The following GARNL3 variants were observed in gnomAD, a reference collection of about 807,000 sequenced individuals.
GARNL3 encodes GTPase-activating Rap/Ran-GAP domain-like protein 3.
GARNL3 carries 63 observed loss-of-function variants against 125.0 expected under a neutral mutation model. The ratio of observed to expected loss-of-function variants is 0.50; its 90% CI spans 0.41 to 0.62. GARNL3 has a LOEUF of 0.62. GARNL3 is among the 20% of genes least tolerant of loss of function. GARNL3 has a pLI of 0.00. For missense variants in GARNL3, 994 were observed against 1,244.0 expected (o/e 0.80, Z 3.02); for synonymous variants, 439 against 457.5 (o/e 0.96, Z 0.52).
At chr9:127,275,542 G>T (rs12003427) in intron 1 of GARNL3, among the ~76,000 whole-genome samples, 1 of 152,116 alleles carries the variant, frequency 6.6e-6, no homozygotes, top group African/African-American at 2.4e-5. Flanking sequence ...GTTTTCGTAG[G>T]GCACATATCC....
At chr9:127,323,739 C>T (rs2131527500) in intron 6 of GARNL3, among the ~76,000 whole-genome samples, 1 of 115,014 alleles carries the variant, frequency 8.7e-6, no homozygotes, top group Middle Eastern at 3.9e-3. Context: ...GATTCAGGAA[C>T]AATTAAACTG....
chr9:127,331,256 A>T (rs1415209051), intron 7 of GARNL3, among the ~76,000 whole-genome samples: 1 of 152,200 alleles, frequency 6.6e-6, no homozygotes, highest in African/African-American at 2.4e-5. Flanking sequence ...TGGGAGGCTG[A>T]GGCAGGTGGA....
intron 24 of GARNL3, 26 bp from the exon 25 acceptor site, chr9:127,387,167 C>G (rs113254567): frequency 6.2e-7 from 1 of 1,603,392 alleles, no homozygotes; most frequent in African/African-American, 1.3e-5. Flanking sequence ...CCAGGCAGCC[C>G]GGTAATGCTC....
chr9:127,305,787 ACAGGATCTAACTAT>A (rs1186155992), intron 2 of GARNL3, among the ~76,000 whole-genome samples: 2 of 152,086 alleles, frequency 1.3e-5, no homozygotes, highest in Non-Finnish European at 2.9e-5. Flanking sequence ...TCTTGTAAAG[ACAGGATCTAACTAT>A]GTTACCCAGG....
In GARNL3 at chr9:127,385,060, C is replaced by T. The variant is rs371843832; in HGVS notation, c.2303C>T (p.Thr768Ile). The T allele has an allele frequency of 1.9e-6, 3 of 1,612,042 alleles. No homozygotes were observed. Among genetic ancestry groups the T allele is most frequent in the Non-Finnish European group, 2.5e-6 (3 of 1,178,818 alleles). Residue 768 changes from threonine (T) to isoleucine (I), a missense_variant, in exon 24 of 28, where the codon ACC (threonine) becomes ATC (isoleucine). By Grantham distance (89) the Thr-to-Ile change is moderately conservative (BLOSUM62 -1). Transcript: ENST00000373387. This position sits in a 1 kb window ranked among gnomAD's most constrained non-coding sequence, Gnocchi z 4.1. ...CAFPYLLAFTTDSMEIRLVVN... is the reference protein window; with the variant it reads ...CAFPYLLAFTIDSMEIRLVVN... ...TTCCCGTATCTCCTGGCCTTCACCA[C>T]CGACTCCATGGAGATCCGCCTGGTG...
chr9:127,367,348 A>T (rs946086504), intron 22 of GARNL3: 2 of 152,236 alleles, frequency 1.3e-5, no homozygotes, highest in Non-Finnish European at 2.9e-5. Flanking sequence ...ACTGATTTGT[A>T]TCATTGAAGT....
intron 2 of GARNL3, among the ~76,000 whole-genome samples, chr9:127,307,789 A>G (rs2064996787): frequency 6.6e-6 from 1 of 152,202 alleles, no homozygotes; most frequent in South Asian, 2.1e-4. Flanking sequence ...CAAGTAAATA[A>G]AAGTTTTAGA....
At chr9:127,229,447 A>G (rs2062965866) in intron 1 of GARNL3, among the ~76,000 whole-genome samples, 1 of 152,156 alleles carries the variant, frequency 6.6e-6, no homozygotes, top group Non-Finnish European at 1.5e-5. Context: ...GGCCTCCCTT[A>G]TCCAAAGTCC....
chr9:127,309,167 C>A (rs2065031009), intron 2 of GARNL3, among the ~76,000 whole-genome samples: 1 of 151,994 alleles, frequency 6.6e-6, no homozygotes, highest in Non-Finnish European at 1.5e-5. Context: ...AAAAAGGACA[C>A]AGAAGATGAT....
intron 17 of GARNL3, among the ~76,000 whole-genome samples, chr9:127,353,059 G>T (rs1009412380): frequency 6.6e-6 from 1 of 151,998 alleles, no homozygotes; most frequent in Non-Finnish European, 1.5e-5. Context: ...CTGTGTCCTC[G>T]GAGCCCTCAG....
chr9:127,366,696 G>C (rs1044413155), intron 22 of GARNL3: 2 of 152,228 alleles, frequency 1.3e-5, no homozygotes, highest in African/African-American at 4.8e-5. Flanking sequence ...CAGGTTTTTA[G>C]AGTGGGAGAA....
At chr9:127,314,862 C>T (rs1452769646) in intron 4 of GARNL3, among the ~76,000 whole-genome samples, 1 of 152,194 alleles carries the variant, frequency 6.6e-6, no homozygotes, top group Non-Finnish European at 1.5e-5. Flanking sequence ...TAGGGAAAGC[C>T]TCCTGAGGCG....
At position 127,338,864 on chromosome 9, in the gene GARNL3, C is replaced by A. The variant is rs117409455; in HGVS notation, c.1028+703C>A. Among the ~76,000 whole-genome samples the A allele has an allele frequency of 5.1e-4, 78 of 152,266 alleles. 1 individual carries two copies. In the East Asian group the frequency reaches 0.013, roughly 26 times the overall value. ...AGGTAGTGGCCTCGGCCCTGGCAGA[C>A]CAGAGAAGGCACTCCTGGCATGGAG... On this transcript the variant is annotated intron_variant, in intron 12 of 27. Coordinates refer to ENST00000373387, the MANE Select transcript of GARNL3 (RefSeq NM_032293.5).
intron 17 of GARNL3, among the ~76,000 whole-genome samples, chr9:127,351,414 A>G (rs1185342149): frequency 6.6e-6 from 1 of 152,058 alleles, no homozygotes; most frequent in South Asian, 2.1e-4. Context: ...GCTTTGGTTT[A>G]TGATTTAAAC....
At chr9:127,277,908 AT>A (rs2063998792) in intron 1 of GARNL3, among the ~76,000 whole-genome samples, 1 of 152,142 alleles carries the variant, frequency 6.6e-6, no homozygotes, top group East Asian at 1.9e-4. Context: ...ATTTGTGGGC[AT>A]TTTTTACCTG....
chr9:127,249,732 G>T (rs1428146368), intron 2 of GARNL3, among the ~76,000 whole-genome samples: 1 of 152,154 alleles, frequency 6.6e-6, no homozygotes, highest in Non-Finnish European at 1.5e-5. Flanking sequence ...AGAGGCCCAG[G>T]TGTGGTGGCT....
At chr9:127,285,202 T>C (rs1256772948) in intron 1 of GARNL3, among the ~76,000 whole-genome samples, 1 of 152,150 alleles carries the variant, frequency 6.6e-6, no homozygotes, top group Non-Finnish European at 1.5e-5. Flanking sequence ...GAGGCCGAGG[T>C]GGGCGGATCA....
At chr9:127,288,669 CT>C (rs1359806755) in intron 1 of GARNL3, among the ~76,000 whole-genome samples, 1 of 152,130 alleles carries the variant, frequency 6.6e-6, no homozygotes, top group African/African-American at 2.4e-5. Flanking sequence ...TTTGTTCTTC[CT>C]TTTTTTCTTG....
intron 5 of GARNL3, 74 bp downstream of exon 5, chr9:127,318,201 C>A: frequency 1.1e-6 from 1 of 886,542 alleles, no homozygotes; most frequent in Non-Finnish European, 1.9e-6. Flanking sequence ...TGTGATCATT[C>A]TGATGTTACC....
Sources: allele counts gnomAD v4.1 joint callset (sites outside exome capture counted in the v4.1 genomes callset), GRCh38; gene constraint gnomAD v4.1.1; non-coding constraint Gnocchi (gnomAD v3.1); transcripts MANE v1.5; gene names NCBI Gene and HGNC (gene_info 2026-07-23, HGNC 2026-07-21).